PARD3B: variants seen among roughly 807,000 people sequenced by gnomAD.
PARD3B encodes partitioning defective 3 homolog B.
In PARD3B, 103 loss-of-function variants were observed where a neutral mutation model predicts 130.2. The ratio of observed to expected loss-of-function variants is 0.79; its 90% confidence interval spans 0.67 to 0.93. The LOEUF (loss-of-function observed/expected upper bound fraction) is 0.93. Ranked by LOEUF, PARD3B falls within the 40% of genes least tolerant of loss-of-function variation. PARD3B has a pLI of 0.00. For synonymous variants in PARD3B, 583 were observed against 553.2 expected (o/e 1.05, Z -0.76); for missense variants, 1,609 against 1,499.2 (o/e 1.07, Z -1.21).
In PARD3B at chr2:205,041,211, A is replaced by G. The variant is rs144102090; in HGVS notation, c.395-6370A>G. 1.2e-3 allele frequency among the ~76,000 whole-genome samples: 177 copies of G among 152,254 alleles called. 1 individual carries two copies. Among genetic ancestry groups the G allele is most frequent in the African/African-American group, 4.0e-3 (168 of 41,536 alleles). On this transcript the variant is annotated intron_variant, in intron 3 of 22. Coordinates refer to ENST00000406610, the MANE Select transcript of PARD3B (RefSeq NM_001302769.2). ...CAATATGATTTTCATTATCAGCTTCATATTCATCTTTGTGAATGCCCACCC... is the reference window on the plus strand; with the variant it reads ...CAATATGATTTTCATTATCAGCTTCGTATTCATCTTTGTGAATGCCCACCC...
chr2:205,298,743 T>G (rs1399235580), intron 16 of PARD3B, among the ~76,000 whole-genome samples: 2 of 152,206 alleles, frequency 1.3e-5, no homozygotes, highest in African/African-American at 4.8e-5. Context: ...TAATCTAGCC[T>G]AATATTCTTA....
At chr2:205,236,509 A>G (rs1012266755) in intron 15 of PARD3B, among the ~76,000 whole-genome samples, 2 of 152,194 alleles carry the variant, frequency 1.3e-5, no homozygotes, top group Admixed American at 6.5e-5. Context: ...GAGATGCCCC[A>G]GGAGAAATCA....
At chr2:205,056,232 A>C (rs116429338) in intron 4 of PARD3B, among the ~76,000 whole-genome samples, 1,661 of 152,104 alleles carry the variant, frequency 0.011, 31 homozygotes, top group Non-Finnish European at 0.012. Flanking sequence ...CACAGCATAA[A>C]CGCTTCTAAA....
chr2:205,158,851 G>T lies in PARD3B; in HGVS notation c.1564G>T (p.Gly522Ter). 2 of 1,614,102 alleles carry T rather than the reference G, an allele frequency of 1.2e-6. No homozygotes were observed. Among genetic ancestry groups the T allele is most frequent in the Non-Finnish European group, 1.7e-6 (2 of 1,180,010 alleles). ...SLKGNKSRET[G>*]TDLGIFIKSI... ...AAAAGGGAACAAATCCAGAGAAACT[G>T]GAACAGACTTGGGGATTTTTATCAA... Residue 522 changes from glycine to a stop codon, truncating the protein, a stop_gained, in exon 11 of 23, where the codon GGA becomes TGA. Coordinates refer to ENST00000406610, the MANE Select transcript of PARD3B (RefSeq NM_001302769.2). LOFTEE classifies it high-confidence loss of function. The surrounding 1 kb of genome is among the most constrained non-coding windows in gnomAD (Gnocchi z 5.4).
intron 21 of PARD3B, among the ~76,000 whole-genome samples, chr2:205,507,274 G>A (rs865882510): frequency 7.6e-6 from 1 of 131,442 alleles, no homozygotes; most frequent in Non-Finnish European, 1.5e-5. Context: ...GAGTGCAGTG[G>A]CACGATCTCT....
chr2:205,397,305 C>G lies in PARD3B; in HGVS notation c.2631-3708C>G, dbSNP rs115555389. Among the ~76,000 whole-genome samples the G allele has an allele frequency of 1.3e-5, 2 of 152,130 alleles. No homozygotes were observed. The highest frequency in any genetic ancestry group is 2.9e-5 in the Non-Finnish European group (2 of 68,032). On this transcript the variant is annotated intron_variant, in intron 18 of 22. Transcript: ENST00000406610. The surrounding 1 kb of genome is among the most constrained non-coding windows in gnomAD (Gnocchi z 4.8). ...TGCCCTTCTTATTGGAAACTTGAAT[C>G]GAGGATCATGAACTTTAAATCAAAG...
rs375783121 is a variant in PARD3B, at chr2:205,505,048, A to T, written c.3180+5017A>T. On this transcript the variant is annotated intron_variant, in intron 21 of 22. Transcript: ENST00000406610. The stretch of plus-strand genomic sequence containing the variant: ...AATGTGGCACATATACACCATGGAA[A>T]ACTATGCAGCCATAAAAAATGATGA... Among the ~76,000 whole-genome samples the T allele has an allele frequency of 9.9e-5, 15 of 152,102 alleles. No homozygotes were observed. In the East Asian group the frequency reaches 1.7e-3, roughly 18 times the overall value.
intron 1 of PARD3B, among the ~76,000 whole-genome samples, chr2:204,611,419 C>G (rs755508652): frequency 6.6e-6 from 1 of 152,198 alleles, no homozygotes; most frequent in Non-Finnish European, 1.5e-5. Context: ...TACCTTTTAT[C>G]TCGCTTTCGA....
intron 2 of PARD3B, among the ~76,000 whole-genome samples, chr2:204,891,572 C>T (rs2046447687): frequency 6.6e-6 from 1 of 152,094 alleles, no homozygotes; most frequent in Admixed American, 6.6e-5. Flanking sequence ...CAAATATTTT[C>T]ACTGGAGAGA....
At chr2:204,594,926 A>T (rs1474476034) in intron 1 of PARD3B, among the ~76,000 whole-genome samples, 3 of 152,162 alleles carry the variant, frequency 2.0e-5, no homozygotes, top group African/African-American at 4.8e-5. Context: ...ACTTTCTTTC[A>T]CAATTGCTGT....
Position 204,606,354 on chromosome 2 carries a change from T to G in PARD3B, c.120+60235T>G, listed in dbSNP as rs2033723692. 6.6e-6 allele frequency among the ~76,000 whole-genome samples: 1 copy of G among 152,180 alleles called. No homozygotes were observed. The highest frequency in any genetic ancestry group is 2.1e-4 in the South Asian group (1 of 4,826). ...AGGACTACTTTTTTAGTACTTTAGT[T>G]TCTCAGTCATGCTTTTGTCCATGGT... On this transcript the variant is annotated intron_variant, in intron 1 of 22. Coordinates refer to ENST00000406610, the MANE Select transcript of PARD3B (RefSeq NM_001302769.2). The surrounding 1 kb of genome is among the most constrained non-coding windows in gnomAD (Gnocchi z 4.0).
rs749376153 is a variant in PARD3B, at chr2:205,287,986, CACA to C, written c.2186-12537_2186-12535del. The stretch of plus-strand genomic sequence containing the variant: ...GAAACTCCAGTATGCTGTCAGATTT[CACA>C]ACAACATTAAGTGGTACTTCCTTTC... On this transcript the variant is annotated intron_variant, in intron 16 of 22. Transcript: ENST00000406610. This position sits in a 1 kb window ranked among gnomAD's most constrained non-coding sequence, Gnocchi z 4.8. Among the ~76,000 whole-genome samples the C allele has an allele frequency of 2.0e-5, 3 of 152,210 alleles. No homozygotes were observed. The highest frequency in any genetic ancestry group is 4.4e-5 in the Non-Finnish European group (3 of 68,040).
chr2:204,946,992 C>T (rs761041605), intron 2 of PARD3B, among the ~76,000 whole-genome samples: 24 of 152,168 alleles, frequency 1.6e-4, no homozygotes, highest in Non-Finnish European at 3.2e-4. Flanking sequence ...TCTAGTCAGG[C>T]CTTCAGTGGG....
At chr2:205,243,054 T>C (rs1173283735) in intron 15 of PARD3B, among the ~76,000 whole-genome samples, 1 of 152,040 alleles carries the variant, frequency 6.6e-6, no homozygotes, top group Non-Finnish European at 1.5e-5. Context: ...TAATCCCAGC[T>C]ACTCAGGAGG....
intron 20 of PARD3B, among the ~76,000 whole-genome samples, chr2:205,478,460 G>A (rs982862879): frequency 2.0e-5 from 3 of 152,180 alleles, no homozygotes; most frequent in African/African-American, 7.2e-5. Context: ...TTCCTGGGCA[G>A]CAAGCATATC....
In PARD3B at chr2:204,606,002, G is replaced by GA. The variant is rs1304476763; in HGVS notation, c.120+59887dup. Among the ~76,000 whole-genome samples the GA allele has an allele frequency of 3.9e-5, 6 of 152,090 alleles. No individual in the cohort carries two copies. Among genetic ancestry groups the GA allele is most frequent in the Admixed American group, 6.6e-5 (1 of 15,256 alleles). On this transcript the variant is annotated intron_variant, in intron 1 of 22. Transcript: ENST00000406610. This position sits in a 1 kb window ranked among gnomAD's most constrained non-coding sequence, Gnocchi z 4.0. ...TTTACTCGTGCTATTGCTTCTCAGT[G>GA]AAAAGGGATCTTCTCTCCCTCTCTC...
chr2:205,207,130 C>T (rs1332772928), intron 15 of PARD3B, among the ~76,000 whole-genome samples: 3 of 142,820 alleles, frequency 2.1e-5, no homozygotes, highest in Middle Eastern at 3.4e-3. Context: ...GGGTATATAA[C>T]GAAATGAAGG....
Position 205,142,414 on chromosome 2 carries a change from T to G in PARD3B, c.1435-16308T>G, listed in dbSNP as rs2125675588. Among the ~76,000 whole-genome samples, 1 of 152,290 alleles carries G rather than the reference T, an allele frequency of 6.6e-6. No individual in the cohort carries two copies. The highest frequency in any genetic ancestry group is 2.1e-4 in the South Asian group (1 of 4,826). ...AGTCGCTTTTGGGAGGGAACTTAAA[T>G]ACAATTTCAAAGAGGTATTGTGGCA... On this transcript the variant is annotated intron_variant, in intron 10 of 22. Transcript: ENST00000406610. The surrounding 1 kb of genome is among the most constrained non-coding windows in gnomAD (Gnocchi z 4.3).
intron 1 of PARD3B, among the ~76,000 whole-genome samples, chr2:204,573,629 GGTGA>G (rs2032111814): frequency 6.6e-6 from 1 of 152,130 alleles, no homozygotes; most frequent in Non-Finnish European, 1.5e-5. Flanking sequence ...TGCTCTGTAG[GGTGA>G]GTAAGTTCCA....
Sources: gnomAD v4.1 joint callset for allele counts (sites outside exome capture counted in the v4.1 genomes callset) on GRCh38, gnomAD v4.1.1 for gene constraint, Gnocchi (gnomAD v3.1) non-coding constraint, MANE v1.5 for transcripts, NCBI Gene and HGNC (gene_info 2026-07-23, HGNC 2026-07-21) for gene names.